KCNQ5: variants seen among roughly 807,000 people sequenced by gnomAD.
KCNQ5 encodes potassium voltage-gated channel subfamily Q member 5, also known as potassium voltage-gated channel subfamily KQT member 5.
A neutral mutation model predicts 98.2 loss-of-function variants in KCNQ5; 30 were observed. The observed-to-expected ratio is 0.31, with a 90% confidence interval of 0.23 to 0.41. The LOEUF (loss-of-function observed/expected upper bound fraction) is 0.41, where lower values mean the gene tolerates loss of function less well. KCNQ5 is among the 10% of genes least tolerant of loss of function. The pLI is 1.00. For synonymous variants in KCNQ5, 458 were observed against 449.4 expected, an observed-to-expected ratio of 1.02 and a Z score of -0.24; for missense variants, 835 against 1,182.5, an observed-to-expected ratio of 0.71 and a Z score of 4.31.
chr6:72,766,089 T>A (rs1286831441), intron 1 of KCNQ5, among the ~76,000 whole-genome samples: 1 of 152,030 alleles, frequency 6.6e-6, no homozygotes, highest in Non-Finnish European at 1.5e-5. Flanking sequence ...GTGATGGGTC[T>A]AATTTTAGAT....
intron 2 of KCNQ5, among the ~76,000 whole-genome samples, chr6:73,014,839 C>CTA (rs1000009264): frequency 7.9e-5 from 12 of 151,828 alleles, no homozygotes; most frequent in South Asian, 6.2e-4. Context: ...TAAATATTCA[C>CTA]TATATATATA....
chr6:72,641,866 G>A (rs2098927365), intron 1 of KCNQ5, among the ~76,000 whole-genome samples: 1 of 151,772 alleles, frequency 6.6e-6, no homozygotes, highest in South Asian at 2.1e-4. Flanking sequence ...ATTTATCTGA[G>A]ACACTTTTGA....
chr6:72,716,756 G>A (rs1040339131), intron 1 of KCNQ5, among the ~76,000 whole-genome samples: 5 of 152,202 alleles, frequency 3.3e-5, no homozygotes, highest in Admixed American at 1.3e-4. Context: ...ACTTTGGTGA[G>A]ATAAGAGAGA....
intron 1 of KCNQ5, among the ~76,000 whole-genome samples, chr6:72,961,969 G>C (rs1429655067): frequency 6.6e-6 from 1 of 151,738 alleles, no homozygotes; most frequent in African/African-American, 2.4e-5. Context: ...TTGAGTCCAG[G>C]AGTTTGAGAT....
chr6:73,188,982 C>CAAAAAAAAAAAAAAAAAAAAAAAAAAA (rs67431655), intron 11 of KCNQ5, among the ~76,000 whole-genome samples: 1 of 82,426 alleles, frequency 1.2e-5, no homozygotes, highest in Non-Finnish European at 2.4e-5. Flanking sequence ...GACTCTGTCT[C>CAAAAAAAAAAAAAAAAAAAAAAAAAAA]AAAAAAAAAA....
intron 5 of KCNQ5, among the ~76,000 whole-genome samples, chr6:73,083,281 G>T (rs1773853466): frequency 6.6e-6 from 1 of 152,210 alleles, no homozygotes; most frequent in African/African-American, 2.4e-5. Flanking sequence ...ATGACATATG[G>T]TACAGAAAGA....
chr6:72,696,641 T>G (rs1768519051), intron 1 of KCNQ5, among the ~76,000 whole-genome samples: 1 of 152,190 alleles, frequency 6.6e-6, no homozygotes, highest in South Asian at 2.1e-4. Context: ...TTAGTGTTAT[T>G]TATAGGTTAT....
intron 1 of KCNQ5, among the ~76,000 whole-genome samples, chr6:72,799,406 G>T (rs987435735): frequency 3.9e-5 from 6 of 152,084 alleles, no homozygotes; most frequent in African/African-American, 1.4e-4. Flanking sequence ...TGATTACTGG[G>T]TACTACCATT....
rs538927238 is a variant in KCNQ5, at chr6:72,940,994, C to T, written c.399-62914C>T. Among the ~76,000 whole-genome samples the T allele has an allele frequency of 2.5e-4, 38 of 151,962 alleles. No homozygotes were observed. The South Asian group carries it at 6.6e-3, about 27-fold the overall frequency. ...AAAATTAGATGACTGAAAAAAAATA[C>T]GGCATAATATGAAGGACATTAGTGT... On this transcript the variant is annotated intron_variant, in intron 1 of 13. Coordinates refer to ENST00000370398, the MANE Select transcript of KCNQ5 (RefSeq NM_019842.4).
At chr6:72,894,142 C>T (rs940390035) in intron 1 of KCNQ5, among the ~76,000 whole-genome samples, 1 of 152,132 alleles carries the variant, frequency 6.6e-6, no homozygotes, top group African/African-American at 2.4e-5. Context: ...CTTTTCTGGG[C>T]CCTTTTAACA....
intron 1 of KCNQ5, among the ~76,000 whole-genome samples, chr6:72,779,933 C>T (rs1297050789): frequency 6.6e-6 from 1 of 151,284 alleles, no homozygotes; most frequent in Non-Finnish European, 1.5e-5. Context: ...CTCCTAGTTT[C>T]AAGCTGTCCT....
At chr6:72,750,422 G>T (rs865910467) in intron 1 of KCNQ5, among the ~76,000 whole-genome samples, 4 of 152,004 alleles carry the variant, frequency 2.6e-5, no homozygotes, top group African/African-American at 7.2e-5. Context: ...AAGTTTACTT[G>T]GGTAAGATAA....
intron 1 of KCNQ5, among the ~76,000 whole-genome samples, chr6:72,663,846 A>G (rs1313060725): frequency 6.6e-6 from 1 of 152,102 alleles, no homozygotes; most frequent in Non-Finnish European, 1.5e-5. Context: ...CATTCTTTAT[A>G]TGTGTGTTGA....
chr6:72,819,120 G>A (rs146312883), intron 1 of KCNQ5, among the ~76,000 whole-genome samples: 1 of 151,672 alleles, frequency 6.6e-6, no homozygotes, highest in African/African-American at 2.4e-5. Context: ...TTAACAGTTC[G>A]ACAATTTTAT....
At chr6:73,170,277 C>T (rs1777956332) in intron 11 of KCNQ5, among the ~76,000 whole-genome samples, 1 of 152,042 alleles carries the variant, frequency 6.6e-6, no homozygotes, top group Non-Finnish European at 1.5e-5. Context: ...AATGGGAAAC[C>T]TAAAGTATTT....
chr6:72,941,550 TCTTCCCTCCCTCCTTCCTTCCTC>T (rs1385754110), intron 1 of KCNQ5, among the ~76,000 whole-genome samples: 7 of 37,332 alleles, frequency 1.9e-4, no homozygotes, highest in African/African-American at 3.6e-4. Flanking sequence ...TTCCTTTCCT[TCTTCCCTCCCTCCTTCCTTCCTC>T]CTTCCCTCCC....
chr6:72,910,286 G>A (rs188956675), intron 1 of KCNQ5, among the ~76,000 whole-genome samples: 14 of 152,212 alleles, frequency 9.2e-5, no homozygotes, highest in African/African-American at 3.4e-4. Context: ...GGACCTTTAA[G>A]TTGAATTCTT....
At chr6:72,954,951 T>C (rs2150258627) in intron 1 of KCNQ5, among the ~76,000 whole-genome samples, 1 of 152,336 alleles carries the variant, frequency 6.6e-6, no homozygotes, top group Non-Finnish European at 1.5e-5. Flanking sequence ...ACTACCTTTT[T>C]ATCTGGATCC....
intron 1 of KCNQ5, among the ~76,000 whole-genome samples, chr6:72,825,307 T>G (rs922909180): frequency 1.2e-4 from 18 of 152,274 alleles, no homozygotes; most frequent in African/African-American, 4.1e-4. Context: ...ACTTACTACT[T>G]TGGGTTGTGC....
Sources: allele counts gnomAD v4.1 joint callset (sites outside exome capture counted in the v4.1 genomes callset), GRCh38; gene constraint gnomAD v4.1.1; transcripts MANE v1.5; gene names NCBI Gene and HGNC (gene_info 2026-07-23, HGNC 2026-07-21).